The following OLFM1 variants were observed in gnomAD, a reference collection of about 807,000 sequenced individuals.
The protein encoded by OLFM1 is olfactomedin 1, also known as noelin.
A neutral mutation model predicts 49.7 loss-of-function variants in OLFM1; 9 were observed. The observed-to-expected ratio is 0.18, with a 90% CI of 0.11 to 0.32. OLFM1 has a LOEUF of 0.32. Ranked by LOEUF, OLFM1 falls within the 10% of genes least tolerant of loss-of-function variation. The probability of loss-of-function intolerance (pLI) is 1.00; values close to 1 mark genes in which losing one functional copy is unlikely to be tolerated. For missense variants in OLFM1, 369 were observed against 661.8 expected, an observed-to-expected ratio of 0.56 and a Z score of 4.85; for synonymous variants, 240 against 271.8, an observed-to-expected ratio of 0.88 and a Z score of 1.15.
intron 5 of OLFM1, among the ~76,000 whole-genome samples, 191 bp from the exon 6 acceptor site, chr9:135,119,313 C>T (rs1275966104): frequency 7.3e-6 from 1 of 137,826 alleles, no homozygotes; most frequent in Admixed American, 7.1e-5. Flanking sequence ...CTTTGGAGTA[C>T]TCACTGGATC....
chr9:135,085,916 A>G (rs1040616503), upstream of OLFM1, among the ~76,000 whole-genome samples: 1 of 152,252 alleles, frequency 6.6e-6, no homozygotes, highest in Non-Finnish European at 1.5e-5. Flanking sequence ...GGAGCCGCTC[A>G]GGTGCAGGTT....
chr9:135,077,283 A>G, intron 1 of OLFM1: 1 of 1,446,382 alleles, frequency 6.9e-7, no homozygotes, highest in South Asian at 1.5e-5. Context: ...TGGCAAAGAG[A>G]TGGCTGATTC....
At chr9:135,083,466 G>A (rs1224221077), upstream of OLFM1, among the ~76,000 whole-genome samples, 3 of 152,162 alleles carry the variant, frequency 2.0e-5, no homozygotes, top group Non-Finnish European at 4.4e-5. Flanking sequence ...AGCTGGACAC[G>A]AGGCCAACTG....
intron 1 of OLFM1, chr9:135,076,137 G>T (rs1830462106): frequency 6.5e-7 from 1 of 1,549,432 alleles, no homozygotes; most frequent in African/African-American, 1.4e-5. Context: ...TCATCTGGAG[G>T]GGGAAGAGTG....
Position 135,088,099 on chromosome 9 carries a change from T to C in OLFM1, c.110T>C (p.Leu37Pro). The C allele has an allele frequency of 1.4e-6, 2 of 1,417,020 alleles. No homozygotes were observed. The highest frequency in any genetic ancestry group is 1.9e-6 in the Non-Finnish European group (2 of 1,069,922). 87.8% of individuals were successfully genotyped at this position (1,417,020 alleles called of 1,614,324 possible). A position where few individuals can be genotyped will look rare whatever the true frequency, so the allele number is the denominator to read the frequency against. ...PSLVGLNTTK[L>P]SAAGGGTLDR... ...CTGGTGGGCCTCAACACCACCAAGC[T>C]CTCGGCGGCCGGCGGCGGGACGCTG... The change falls in exon 1 of 6, where the codon CTC becomes CCC. Residue 37 changes from leucine (L) to proline (P), a missense_variant. Leu to Pro is a moderately conservative substitution (Grantham distance 98). This residue lies in a region of OLFM1 where 55 missense variants were observed against 53.3 expected (regional missense o/e 1.03). Coordinates refer to ENST00000371793, the MANE Select transcript of OLFM1 (RefSeq NM_001282611.2). This position sits in a 1 kb window ranked among gnomAD's most constrained non-coding sequence, Gnocchi z 4.8.
rs934376349 is a variant in OLFM1 at position 135,113,919 on chromosome 9, G to A, written c.784-5585G>A. 1.3e-5 allele frequency among the ~76,000 whole-genome samples: 2 copies of A among 152,176 alleles called. No individual in the cohort carries two copies. The highest frequency in any genetic ancestry group is 4.8e-5 in the African/African-American group (2 of 41,456). On this transcript the variant is annotated intron_variant, in intron 5 of 5. Transcript: ENST00000371793. The surrounding 1 kb of genome is among the most constrained non-coding windows in gnomAD (Gnocchi z 4.0). ...CCCAGACCAGGGCGCCTGCAGGGCT[G>A]CGCTCTGAAGATGCCAGGGGAGGAC...
upstream of OLFM1, chr9:135,087,433 C>G: frequency 5.2e-6 from 8 of 1,544,106 alleles, no homozygotes; most frequent in Non-Finnish European, 6.1e-6. Context: ...AGTCCCCGCG[C>G]CGCCGCCGGG....
intron 5 of OLFM1, among the ~76,000 whole-genome samples, chr9:135,114,618 G>A (rs1831071335): frequency 6.6e-6 from 1 of 151,814 alleles, no homozygotes; most frequent in Non-Finnish European, 1.5e-5. Flanking sequence ...GGGGTGGAGG[G>A]GCAGCTCCCG....
chr9:135,116,798 C>T (rs897682424), intron 5 of OLFM1, among the ~76,000 whole-genome samples: 1 of 151,306 alleles, frequency 6.6e-6, no homozygotes, highest in Non-Finnish European at 1.5e-5. Context: ...ATACCCCTCC[C>T]GGTTCTAATC....
At chr9:135,075,843 C>A in intron 1 of OLFM1, 6 of 1,551,634 alleles carry the variant, frequency 3.9e-6, no homozygotes, top group Non-Finnish European at 5.3e-6. Flanking sequence ...GCCAGGCGCC[C>A]GGCCCGGCCC....
chr9:135,078,784 A>G (rs549537184), intron 1 of OLFM1, among the ~76,000 whole-genome samples: 2 of 152,276 alleles, frequency 1.3e-5, no homozygotes, highest in South Asian at 2.1e-4. Flanking sequence ...TGTTTTTTGT[A>G]CGTGATAGGG....
rs895331882 is a variant in OLFM1 at position 135,117,429 on chromosome 9, C to A, written c.784-2075C>A. 6.6e-6 allele frequency among the ~76,000 whole-genome samples: 1 copy of A among 152,186 alleles called. No homozygotes were observed. The highest frequency in any genetic ancestry group is 1.5e-5 in the Non-Finnish European group (1 of 68,046). ...GCAGACAGGATGACTCAGTCCGTGC[C>A]GCAGCGATGGCTTGGTGGGAGGAGA... On this transcript the variant is annotated intron_variant, in intron 5 of 5. Coordinates refer to ENST00000371793, the MANE Select transcript of OLFM1 (RefSeq NM_001282611.2). The surrounding 1 kb of genome is among the most constrained non-coding windows in gnomAD (Gnocchi z 5.5).
At position 135,075,897 on chromosome 9, in the gene OLFM1, C is replaced by T. The variant is rs1490960807; in HGVS notation, c.96+95C>T. The T allele has an allele frequency of 4.2e-6, 6 of 1,427,302 alleles. No individual in the cohort carries two copies. The Admixed American group carries it at 7.8e-5, about 19-fold the overall frequency. 88.4% of individuals were successfully genotyped at this position (1,427,302 alleles called of 1,614,324 possible). A position where few individuals can be genotyped will look rare whatever the true frequency, so the allele number is the denominator to read the frequency against. On this transcript the variant is annotated intron_variant, in intron 1 of 5. Transcript: ENST00000252854. ...TCCGGGAACGGCTCTGGCTCCGCGC[C>T]GCCCCGCGCCCCCGGCCTGGGCGCC...
Position 135,120,181 on chromosome 9 carries a change from CCCT to C in OLFM1, c.*10_*12del. 6.2e-7 allele frequency: 1 copy of C among 1,601,544 alleles called. No homozygotes were observed. Among genetic ancestry groups the C allele is most frequent in the Admixed American group, 1.7e-5 (1 of 59,076 alleles). The stretch of plus-strand genomic sequence containing the variant: ...TCATCCGCTCCGACGAGTTGTAGCT[CCCT>C]CCTCCTGGAAGCCAAGGGCCCACGT... On this transcript the variant is annotated 3_prime_UTR_variant, in exon 6 of 6. Coordinates refer to ENST00000371793, the MANE Select transcript of OLFM1 (RefSeq NM_001282611.2).
chr9:135,099,508 G>A (rs548369574), intron 4 of OLFM1, among the ~76,000 whole-genome samples: 8 of 152,228 alleles, frequency 5.3e-5, no homozygotes, highest in African/African-American at 1.9e-4. Context: ...TGTTAGTCAG[G>A]TGAAGAGAGA....
chr9:135,089,245 G>C (rs1233873809), intron 1 of OLFM1, among the ~76,000 whole-genome samples: 1 of 152,216 alleles, frequency 6.6e-6, no homozygotes, highest in African/African-American at 2.4e-5. Context: ...GAATGAATGA[G>C]ATTAAAGATA....
intron 4 of OLFM1, among the ~76,000 whole-genome samples, chr9:135,102,918 G>A (rs1830890230): frequency 6.6e-6 from 1 of 152,298 alleles, no homozygotes; most frequent in East Asian, 1.9e-4. Flanking sequence ...CCCCGGGCCT[G>A]TTCTATGAGA....
chr9:135,075,701 C>T (rs1830454378), exon 1 of OLFM1: 3 of 1,590,156 alleles, frequency 1.9e-6, no homozygotes, highest in Non-Finnish European at 2.6e-6. Flanking sequence ...GCACCCAGGG[C>T]CCTGCATGCC....
At chr9:135,093,740 G>A (rs912043860) in intron 2 of OLFM1, among the ~76,000 whole-genome samples, 1 of 152,174 alleles carries the variant, frequency 6.6e-6, no homozygotes, top group Admixed American at 6.5e-5. Flanking sequence ...AGGAAGGGCT[G>A]TGCTCAGAGG....
Sources: gnomAD v4.1 joint callset for allele counts (sites outside exome capture counted in the v4.1 genomes callset) on GRCh38, gnomAD v4.1.1 for gene constraint, gnomAD v4.1.1 regional missense constraint, Gnocchi (gnomAD v3.1) non-coding constraint, MANE v1.5 for transcripts, NCBI Gene and HGNC (gene_info 2026-07-23, HGNC 2026-07-21) for gene names.